HS3ST4: variants seen among roughly 807,000 people sequenced by gnomAD.
HS3ST4 encodes the protein heparan sulfate glucosamine 3-O-sulfotransferase 4.
HS3ST4 carries 17 observed loss-of-function variants against 29.2 expected under a neutral mutation model. That is an observed-to-expected ratio of 0.58 (90% confidence interval 0.40 to 0.87). HS3ST4 has a LOEUF of 0.87. Among genes scored for constraint, HS3ST4 ranks in the 40% least tolerant of loss-of-function variants. The pLI, the probability that HS3ST4 is intolerant of heterozygous loss-of-function variation, is 0.00. For missense variants in HS3ST4, 627 were observed against 634.5 expected (o/e 0.99, Z 0.13); for synonymous variants, 314 against 285.7 (o/e 1.10, Z -1.00).
At chr16:25,712,187 C>T (rs746532099) in intron 1 of HS3ST4, among the ~76,000 whole-genome samples, 2 of 151,994 alleles carry the variant, frequency 1.3e-5, no homozygotes, top group Non-Finnish European at 2.9e-5. Flanking sequence ...AAATTTTGAG[C>T]CTGACCACAC....
chr16:26,102,450 G>A (rs1293825990), intron 1 of HS3ST4, among the ~76,000 whole-genome samples: 1 of 152,068 alleles, frequency 6.6e-6, no homozygotes, highest in Admixed American at 6.6e-5. Flanking sequence ...AACCACCACT[G>A]TTTCTATTTC....
chr16:25,850,766 A>G (rs533229095), intron 1 of HS3ST4, among the ~76,000 whole-genome samples: 2 of 152,354 alleles, frequency 1.3e-5, no homozygotes, highest in South Asian at 2.1e-4. Context: ...CAAAGGCACA[A>G]AGACAGAAAA....
chr16:25,755,690 C>T (rs1007410770), intron 1 of HS3ST4, among the ~76,000 whole-genome samples: 13 of 152,160 alleles, frequency 8.5e-5, no homozygotes, highest in Non-Finnish European at 1.8e-4. Context: ...AGATTTCTAG[C>T]TTCTCTTGGA....
intron 1 of HS3ST4, among the ~76,000 whole-genome samples, chr16:26,071,575 T>C (rs4363867): frequency 0.32 from 48,135 of 152,062 alleles, 8,007 homozygotes; most frequent in Middle Eastern, 0.39. Context: ...CATTTAGTGC[T>C]TTTACTAATA....
At chr16:25,866,811 TTAAAG>T (rs1217786791) in intron 1 of HS3ST4, among the ~76,000 whole-genome samples, 3 of 151,304 alleles carry the variant, frequency 2.0e-5, no homozygotes, top group African/African-American at 7.3e-5. Flanking sequence ...ATCCCAGAAC[TTAAAG>T]TAAAATAAAT....
intron 1 of HS3ST4, among the ~76,000 whole-genome samples, chr16:25,913,815 G>C (rs1264158263): frequency 1.3e-5 from 2 of 151,524 alleles, no homozygotes; most frequent in Non-Finnish European, 2.9e-5. Flanking sequence ...TGTGGGGTGT[G>C]TGTGCACGGG....
chr16:26,005,960 C>T (rs1007301410), intron 1 of HS3ST4, among the ~76,000 whole-genome samples: 2 of 152,084 alleles, frequency 1.3e-5, no homozygotes, highest in African/African-American at 4.8e-5. Flanking sequence ...CCCCAAATGT[C>T]TCTTTAGAGG....
intron 1 of HS3ST4, among the ~76,000 whole-genome samples, chr16:25,878,770 C>T (rs1429243096): frequency 6.6e-6 from 1 of 152,158 alleles, no homozygotes; most frequent in Non-Finnish European, 1.5e-5. Context: ...ATATTGCCTA[C>T]AAGATAAAGT....
chr16:25,973,482 C>T (rs1968915806), intron 1 of HS3ST4, among the ~76,000 whole-genome samples: 1 of 152,208 alleles, frequency 6.6e-6, no homozygotes, highest in South Asian at 2.1e-4. Context: ...CTTCAAGACC[C>T]TTCTCCAAGA....
intron 1 of HS3ST4, among the ~76,000 whole-genome samples, chr16:26,011,971 T>A (rs888008762): frequency 1.6e-4 from 25 of 152,166 alleles, no homozygotes; most frequent in African/African-American, 5.8e-4. Context: ...GCCTTTGCAG[T>A]TTCTGGAAAA....
chr16:26,050,913 T>A (rs1199370451), intron 1 of HS3ST4, among the ~76,000 whole-genome samples: 1 of 152,160 alleles, frequency 6.6e-6, no homozygotes, highest in Non-Finnish European at 1.5e-5. Context: ...GAAGGCCTAA[T>A]TGCATAACTT....
chr16:26,071,348 T>C (rs911968273), intron 1 of HS3ST4, among the ~76,000 whole-genome samples: 2 of 152,042 alleles, frequency 1.3e-5, no homozygotes, highest in Non-Finnish European at 2.9e-5. Flanking sequence ...TGGTGAAAAG[T>C]GCTGTTTTAG....
chr16:26,131,561 C>G (rs762225637), intron 1 of HS3ST4, among the ~76,000 whole-genome samples: 1 of 152,078 alleles, frequency 6.6e-6, no homozygotes, highest in Non-Finnish European at 1.5e-5. Context: ...TACTTAAAAC[C>G]TAGAAGAGAG....
rs909133886 is a variant in HS3ST4 at position 25,868,902 on chromosome 16, G to T, written c.734+175751G>T. Among the ~76,000 whole-genome samples the T allele has an allele frequency of 3.3e-5, 5 of 152,028 alleles. 1 individual carries two copies. The highest frequency in any genetic ancestry group is 1.2e-4 in the African/African-American group (5 of 41,394). ...TCCCTGGTAGGATGATGCTTCTAGG[G>T]TTTCTTTGTCTGTGTCACAGCCATT... On this transcript the variant is annotated intron_variant, in intron 1 of 1. Transcript: ENST00000331351.
Position 25,959,777 on chromosome 16 carries a change from G to C in HS3ST4, c.735-175835G>C, listed in dbSNP as rs186753018. Among the ~76,000 whole-genome samples the C allele has an allele frequency of 2.4e-3, 370 of 152,224 alleles. 2 individuals carry two copies. The highest frequency in any genetic ancestry group is 8.2e-3 in the African/African-American group (342 of 41,542). On this transcript the variant is annotated intron_variant, in intron 1 of 1. Transcript: ENST00000331351. Reference sequence around the variant, plus strand: ...TGGTGGGAGGTGTTGGATCATGGGAGTGGCTCCCTCATTACCTTGGTAATG... The same window carrying C: ...TGGTGGGAGGTGTTGGATCATGGGACTGGCTCCCTCATTACCTTGGTAATG...
chr16:25,980,909 G>C (rs1335681074), intron 1 of HS3ST4, among the ~76,000 whole-genome samples: 1 of 152,128 alleles, frequency 6.6e-6, no homozygotes, highest in Non-Finnish European at 1.5e-5. Context: ...GAATGGGCGA[G>C]GCAGTGCAGG....
intron 1 of HS3ST4, among the ~76,000 whole-genome samples, chr16:25,911,272 C>T (rs748331010): frequency 2.5e-4 from 38 of 152,058 alleles, no homozygotes; most frequent in Non-Finnish European, 2.6e-4. Flanking sequence ...AGTGCCTGCC[C>T]ATCCCTGTTT....
At chr16:25,707,755 G>A (rs1966385387) in intron 1 of HS3ST4, among the ~76,000 whole-genome samples, 1 of 152,212 alleles carries the variant, frequency 6.6e-6, no homozygotes. Flanking sequence ...CTGTACCTGA[G>A]AAGTCAAACA....
At chr16:25,727,894 G>A (rs1023644406) in intron 1 of HS3ST4, among the ~76,000 whole-genome samples, 5 of 152,162 alleles carry the variant, frequency 3.3e-5, no homozygotes, top group African/African-American at 9.7e-5. Flanking sequence ...TATGGACCTC[G>A]TGGAAATACT....
Sources: allele counts gnomAD v4.1 joint callset (sites outside exome capture counted in the v4.1 genomes callset), GRCh38; gene constraint gnomAD v4.1.1; transcripts MANE v1.5; gene names NCBI Gene and HGNC (gene_info 2026-07-23, HGNC 2026-07-21).